Variants in PVR observed in about 807,000 individuals in gnomAD.
PVR encodes PVR cell adhesion molecule, also known as poliovirus receptor.
Under a neutral mutation model 43.3 loss-of-function variants are expected in PVR, and 39 were observed. That is an observed-to-expected ratio of 0.90 (90% CI 0.70 to 1.18). PVR has a LOEUF of 1.18. PVR is among the 50% of genes most tolerant of loss of function. PVR has a pLI of 0.00. For synonymous variants in PVR, 224 were observed against 233.2 expected (o/e 0.96, Z 0.36); for missense variants, 480 against 549.7 (o/e 0.87, Z 1.27).
At position 44,647,307 on chromosome 19, in the gene PVR, A is replaced by C. The variant is rs763185638; in HGVS notation, c.164A>C (p.Asn55Thr). 2.5e-6 allele frequency: 4 copies of C among 1,604,828 alleles called. No homozygotes were observed. In the South Asian group the frequency reaches 4.5e-5, roughly 18 times the overall value. The stretch of plus-strand genomic sequence containing the variant: ...CTGCCCTGCTACCTACAGGTGCCCA[A>C]CATGGAGGTGACGCATGTGTCACAG... The part of the protein sequence containing the change: ...VTLPCYLQVP[N>T]MEVTHVSQLT... Residue 55 changes from asparagine to threonine, a missense_variant, in exon 2 of 8, where the codon AAC becomes ACC. Transcript: ENST00000425690.
chr19:44,647,075 G>GT, intron 1 of PVR, 148 bp from the exon 2 acceptor site: 2 of 101,582 alleles, frequency 2.0e-5, no homozygotes, highest in Non-Finnish European at 3.8e-5. Context: ...TAGTGCCCCA[G>GT]TTCCCCCTCC....
rs141177879 is a variant in PVR at position 44,647,535 on chromosome 19, G to A, written c.392G>A (p.Gly131Asp). 2 of 1,613,668 alleles carry A rather than the reference G, an allele frequency of 1.2e-6. No individual in the cohort carries two copies. The highest frequency in any genetic ancestry group is 2.7e-5 in the African/African-American group (2 of 74,910). Reference protein sequence around the residue: ...YTCLFVTFPQGSRSVDIWLRV... With the variant: ...YTCLFVTFPQDSRSVDIWLRV... ...TGCCTGTTCGTCACGTTCCCGCAGGGCAGCAGGAGCGTGGATATCTGGCTC... is the reference window on the plus strand; with the variant it reads ...TGCCTGTTCGTCACGTTCCCGCAGGACAGCAGGAGCGTGGATATCTGGCTC... The change falls in exon 2 of 8, where the codon GGC (glycine) becomes GAC (aspartate). Residue 131 changes from glycine to aspartate, a missense_variant. Gly to Asp is a moderately conservative substitution (Grantham distance 94). Coordinates refer to ENST00000425690, the MANE Select transcript of PVR (RefSeq NM_006505.5).
At chr19:44,656,027 G>A (rs781219222) in intron 4 of PVR, among the ~76,000 whole-genome samples, 1 of 151,722 alleles carries the variant, frequency 6.6e-6, no homozygotes, top group Non-Finnish European at 1.5e-5. Flanking sequence ...ACACCACCAC[G>A]CCTGGCTAAC....
chr19:44,655,862 G>GC (rs1973430780), intron 4 of PVR, among the ~76,000 whole-genome samples: 1 of 122,106 alleles, frequency 8.2e-6, no homozygotes, highest in Admixed American at 8.6e-5. Flanking sequence ...CAGCTCTCCT[G>GC]CTTTTTTTTT....
chr19:44,647,450 C>CTGCGGAA lies in PVR; in HGVS notation c.311_317dup (p.Ser107GlufsTer14). ...CGTGGCAGCCAGACTGGGCGCGGAGCTGCGGAATGCCTCGCTGAGGATGTT... is the reference window on the plus strand; with the variant it reads ...CGTGGCAGCCAGACTGGGCGCGGAGCTGCGGAATGCGGAATGCCTCGCTGAGGATGTT... On this transcript the variant is annotated frameshift_variant, in exon 2 of 8. Coordinates refer to ENST00000425690, the MANE Select transcript of PVR (RefSeq NM_006505.5). LOFTEE classifies it high-confidence loss of function. 6.2e-7 allele frequency: 1 copy of CTGCGGAA among 1,614,142 alleles called. No homozygotes were observed. The highest frequency in any genetic ancestry group is 8.5e-7 in the Non-Finnish European group (1 of 1,180,014).
At chr19:44,653,798 C>T (rs1973349671) in intron 3 of PVR, 102 bp from the exon 4 acceptor site, 1 of 798,752 alleles carries the variant, frequency 1.3e-6, no homozygotes. Context: ...CCGCTGTTTT[C>T]CAAATATCCC....
intron 4 of PVR, among the ~76,000 whole-genome samples, 155 bp downstream of exon 4, chr19:44,654,172 C>T (rs952078340): frequency 6.6e-6 from 1 of 150,810 alleles, no homozygotes; most frequent in Non-Finnish European, 1.5e-5. Context: ...AGCCCGGACT[C>T]CTGGGTCTGA....
rs1186687054 is a variant in PVR, at chr19:44,661,912, C to T, written c.*101C>T. ...TGGATGAAGACCCCCTCCAAAGAGA[C>T]CAGCCTCCCTCCCTGTGCCAGACCT... On this transcript the variant is annotated 3_prime_UTR_variant, in exon 8 of 8. Coordinates refer to ENST00000425690, the MANE Select transcript of PVR (RefSeq NM_006505.5). 1 of 1,126,436 alleles carries T rather than the reference C, an allele frequency of 8.9e-7. No homozygotes were observed. Among genetic ancestry groups the T allele is most frequent in the Non-Finnish European group, 1.3e-6 (1 of 760,854 alleles). 69.8% of individuals were successfully genotyped at this position (1,126,436 alleles called of 1,614,324 possible).
chr19:44,657,956 T>G (rs776194780), intron 5 of PVR, 46 bp downstream of exon 5: 24 of 1,596,212 alleles, frequency 1.5e-5, no homozygotes, highest in Non-Finnish European at 2.0e-5. Flanking sequence ...AAGGAAGAGG[T>G]CGAGGCAGGG....
At chr19:44,659,614 C>T (rs1393717246) in intron 6 of PVR, among the ~76,000 whole-genome samples, 2 of 152,114 alleles carry the variant, frequency 1.3e-5, no homozygotes, top group South Asian at 2.1e-4. Context: ...TCCCAAGGAG[C>T]GGGGATTACA....
In PVR at chr19:44,647,204, T is replaced by C. The variant is rs567604533; in HGVS notation, c.80-19T>C. 22 of 1,510,736 alleles carry C rather than the reference T, an allele frequency of 1.5e-5. No individual in the cohort carries two copies. In the Admixed American group the frequency reaches 2.1e-4, roughly 14 times the overall value. 93.6% of individuals were successfully genotyped at this position (1,510,736 alleles called of 1,614,324 possible). The stretch of plus-strand genomic sequence containing the variant: ...CAAGAACGCCCCGGGTCTGACACCT[T>C]CTCTTCGGTTCTCCGCAGGGGACGT... On this transcript the variant is annotated intron_variant, in intron 1 of 7. Transcript: ENST00000425690.
chr19:44,650,252 G>A, intron 3 of PVR, 147 bp downstream of exon 3: 2 of 699,506 alleles, frequency 2.9e-6, no homozygotes, highest in Non-Finnish European at 2.2e-6. Flanking sequence ...CACCCCCATT[G>A]TCTGCACCAG....
chr19:44,644,278 C>A, intron 1 of PVR, 103 bp downstream of exon 1: 1 of 816,408 alleles, frequency 1.2e-6, no homozygotes, highest in Non-Finnish European at 1.8e-6. Context: ...CGGCCCCGCC[C>A]GGCGCCACCC....
At chr19:44,654,084 TG>T in intron 4 of PVR, 67 bp downstream of exon 4, 1 of 1,255,444 alleles carries the variant, frequency 8.0e-7, no homozygotes. Flanking sequence ...GAGGAGGGGC[TG>T]GGGGCCTGGA....
At chr19:44,644,205 C>G (rs774208225) in intron 1 of PVR, 30 bp downstream of exon 1, 11 of 1,457,802 alleles carry the variant, frequency 7.5e-6, no homozygotes, top group Non-Finnish European at 9.0e-6. Context: ...TCCGGTGGCC[C>G]CTGTCTGGCT....
intron 4 of PVR, among the ~76,000 whole-genome samples, chr19:44,654,420 TG>T (rs1217612672): frequency 6.6e-6 from 1 of 152,162 alleles, no homozygotes; most frequent in East Asian, 1.9e-4. Context: ...GGGCCCCCAG[TG>T]GGGGGCATCT....
In PVR at chr19:44,662,043, C is replaced by T. The variant is rs146063730; in HGVS notation, c.*232C>T. 2.9e-4 allele frequency: 163 copies of T among 552,692 alleles called. 1 individual carries two copies. Among genetic ancestry groups the T allele is most frequent in the African/African-American group, 2.7e-3 (142 of 53,268 alleles). 34.2% of individuals were successfully genotyped at this position (552,692 alleles called of 1,614,324 possible). On this transcript the variant is annotated 3_prime_UTR_variant, in exon 8 of 8. Coordinates refer to ENST00000425690, the MANE Select transcript of PVR (RefSeq NM_006505.5). ...AGGAAAGCTGTTAGGCTCACAGTTA[C>T]AGTTTATTACAGTAAAAGGACAGAG...
intron 4 of PVR, among the ~76,000 whole-genome samples, chr19:44,654,414 C>G (rs1294281675): frequency 6.6e-6 from 1 of 152,226 alleles, no homozygotes; most frequent in Non-Finnish European, 1.5e-5. Context: ...GACTTCGGGC[C>G]CCCAGTGGGG....
At chr19:44,657,971 C>T (rs769515071) in intron 5 of PVR, 61 bp downstream of exon 5, 28 of 1,540,938 alleles carry the variant, frequency 1.8e-5, no homozygotes, top group Non-Finnish European at 2.3e-5. Flanking sequence ...GCAGGGTTCC[C>T]TGTCTAATGC....
Sources: gnomAD v4.1 joint callset for allele counts (sites outside exome capture counted in the v4.1 genomes callset) on GRCh38, gnomAD v4.1.1 for gene constraint, MANE v1.5 for transcripts, NCBI Gene and HGNC (gene_info 2026-07-23, HGNC 2026-07-21) for gene names.